ASCC3: variants seen among roughly 807,000 people sequenced by gnomAD.
The protein encoded by ASCC3 is activating signal cointegrator 1 complex subunit 3.
A neutral mutation model predicts 256.3 loss-of-function variants in ASCC3; 158 were observed. The observed-to-expected ratio is 0.62, with a 90% CI of 0.54 to 0.70. The LOEUF (loss-of-function observed/expected upper bound fraction) is 0.70. Ranked by LOEUF, ASCC3 falls within the 30% of genes least tolerant of loss-of-function variation. ASCC3 has a pLI of 0.00. For missense variants in ASCC3, 2,259 were observed against 2,626.0 expected (o/e 0.86, Z 3.05); for synonymous variants, 948 against 883.4 (o/e 1.07, Z -1.30).
At chr6:100,647,140 G>T in intron 21 of ASCC3, 86 bp downstream of exon 21, 1 of 1,215,870 alleles carries the variant, frequency 8.2e-7, no homozygotes, top group Non-Finnish European at 1.2e-6. Flanking sequence ...GATTAATGTG[G>T]AAATTCACAA....
At chr6:100,579,629 T>C (rs1179328116) in intron 36 of ASCC3, among the ~76,000 whole-genome samples, 2 of 151,554 alleles carry the variant, frequency 1.3e-5, no homozygotes, top group African/African-American at 2.4e-5. Flanking sequence ...GGTTAACAAT[T>C]AGATGGTTGT....
intron 36 of ASCC3, among the ~76,000 whole-genome samples, chr6:100,572,286 C>A (rs376405074): frequency 6.6e-6 from 1 of 152,154 alleles, no homozygotes. Context: ...GAGGGCACAA[C>A]TAGAAGATGG....
At chr6:100,859,658 A>T (rs965923850) in intron 3 of ASCC3, among the ~76,000 whole-genome samples, 1 of 151,998 alleles carries the variant, frequency 6.6e-6, no homozygotes, top group Non-Finnish European at 1.5e-5. Context: ...CAATGGATTT[A>T]CAAATGCCTT....
chr6:100,721,563 T>C (rs1779333035), intron 11 of ASCC3, among the ~76,000 whole-genome samples: 1 of 151,748 alleles, frequency 6.6e-6, no homozygotes, highest in Admixed American at 6.6e-5. Flanking sequence ...ACTTCATCTG[T>C]GTCTGACAAC....
chr6:100,782,536 A>T (rs1383333446), intron 8 of ASCC3, among the ~76,000 whole-genome samples: 2 of 152,160 alleles, frequency 1.3e-5, no homozygotes, highest in Admixed American at 1.3e-4. Flanking sequence ...CCTATCTAGC[A>T]ATTTCACTTT....
intron 4 of ASCC3, among the ~76,000 whole-genome samples, chr6:100,832,664 A>G (rs1013872547): frequency 6.6e-6 from 1 of 152,138 alleles, no homozygotes; most frequent in Admixed American, 6.5e-5. Flanking sequence ...CTACCCATTC[A>G]TGTTTAAAAC....
intron 36 of ASCC3, among the ~76,000 whole-genome samples, chr6:100,581,252 T>C (rs188753222): frequency 1.3e-5 from 2 of 152,210 alleles, no homozygotes; most frequent in Non-Finnish European, 2.9e-5. Flanking sequence ...TGTTGTTTCC[T>C]GACTTTTTAA....
At chr6:100,722,376 A>G (rs1779383043) in intron 11 of ASCC3, among the ~76,000 whole-genome samples, 1 of 151,536 alleles carries the variant, frequency 6.6e-6, no homozygotes, top group Admixed American at 6.6e-5. Context: ...ATGAAGAATG[A>G]CATCCAAACT....
At chr6:100,771,283 A>G (rs1781906393) in intron 8 of ASCC3, among the ~76,000 whole-genome samples, 1 of 152,196 alleles carries the variant, frequency 6.6e-6, no homozygotes, top group African/African-American at 2.4e-5. Flanking sequence ...TTAACTCAAA[A>G]TAAATCACTA....
chr6:100,608,321 ATATACCTTATATATG>A lies in ASCC3; in HGVS notation c.4786-1248_4786-1234del, dbSNP rs1474543175. 3.3e-4 allele frequency among the ~76,000 whole-genome samples: 35 copies of A among 105,232 alleles called. 1 individual carries two copies. Among genetic ancestry groups the A allele is most frequent in the Non-Finnish European group, 5.5e-4 (32 of 57,808 alleles). The allele number at this position is 105,232 out of a possible 152,430, so 69.0% of individuals were successfully genotyped here. A position where few individuals can be genotyped will look rare whatever the true frequency, so the allele number is the denominator to read the frequency against. ...TACCTTATATATGTATACCTTATAT[ATATACCTTATATATG>A]TATACCTTATATATATACCTTATAT... On this transcript the variant is annotated intron_variant, in intron 30 of 41. Coordinates refer to ENST00000369162, the MANE Select transcript of ASCC3 (RefSeq NM_006828.4).
chr6:100,571,692 A>C (rs1770601434), intron 36 of ASCC3, among the ~76,000 whole-genome samples: 1 of 152,250 alleles, frequency 6.6e-6, no homozygotes, highest in Non-Finnish European at 1.5e-5. Context: ...ACCATTGTCC[A>C]AGGTCTAGAA....
At chr6:100,794,989 T>G (rs2114319405) in intron 8 of ASCC3, among the ~76,000 whole-genome samples, 1 of 152,192 alleles carries the variant, frequency 6.6e-6, no homozygotes. Flanking sequence ...CACTCTCCTT[T>G]CCTTTGGGAA....
At position 100,602,085 on chromosome 6, in the gene ASCC3, A is replaced by G. The variant is rs1379067629; in HGVS notation, c.5178-150T>C. On this transcript the variant is annotated intron_variant, in intron 33 of 41. Transcript: ENST00000369162. ...TTAAATATTTAGTATATAATTTTGT[A>G]TACTGTGTAAATAATTCATTCCAAA... 2.7e-5 allele frequency: 20 copies of G among 746,196 alleles called. No individual in the cohort carries two copies. In the East Asian group the frequency reaches 5.9e-4, roughly 22 times the overall value. The allele number at this position is 746,196 out of a possible 1,614,324, so 46.2% of individuals were successfully genotyped here.
At chr6:100,597,384 A>C (rs903575928) in intron 34 of ASCC3, among the ~76,000 whole-genome samples, 1 of 152,178 alleles carries the variant, frequency 6.6e-6, no homozygotes, top group Admixed American at 6.5e-5. Context: ...AGAAATAAAA[A>C]AATTAATTTT....
chr6:100,841,492 A>C (rs1772141850), intron 4 of ASCC3, among the ~76,000 whole-genome samples: 1 of 152,200 alleles, frequency 6.6e-6, no homozygotes, highest in Admixed American at 6.5e-5. Context: ...TCATGACAAA[A>C]TAATCTTAAT....
At chr6:100,674,498 T>A (rs1269007205) in intron 14 of ASCC3, among the ~76,000 whole-genome samples, 1 of 152,078 alleles carries the variant, frequency 6.6e-6, no homozygotes. Flanking sequence ...TTCCAAAGCA[T>A]TAAGTTTAAT....
At position 100,550,264 on chromosome 6, in the gene ASCC3, AG is replaced by A. The variant is rs554937193; in HGVS notation, c.5551-9878del. 3.9e-5 allele frequency among the ~76,000 whole-genome samples: 6 copies of A among 152,008 alleles called. No homozygotes were observed. The East Asian group carries it at 1.2e-3, about 29-fold the overall frequency. On this transcript the variant is annotated intron_variant, in intron 36 of 41. Coordinates refer to ENST00000369162, the MANE Select transcript of ASCC3 (RefSeq NM_006828.4). ...CAGAAGAAAATTCAATAGCTATTTT[AG>A]TACTGCAACCTGCATTGGGTCTACA...
At chr6:100,550,231 T>A (rs1769220644) in intron 36 of ASCC3, among the ~76,000 whole-genome samples, 1 of 151,918 alleles carries the variant, frequency 6.6e-6, no homozygotes, top group African/African-American at 2.4e-5. Flanking sequence ...TTCCTTCTGA[T>A]CCTTTATCAG....
At chr6:100,703,725 G>A (rs903225216) in intron 13 of ASCC3, among the ~76,000 whole-genome samples, 2 of 151,578 alleles carry the variant, frequency 1.3e-5, no homozygotes, top group Non-Finnish European at 3.0e-5. Context: ...CAACTATCTG[G>A]CATTTGGCCC....
Sources: gnomAD v4.1 joint callset for allele counts (sites outside exome capture counted in the v4.1 genomes callset) on GRCh38, gnomAD v4.1.1 for gene constraint, MANE v1.5 for transcripts, NCBI Gene and HGNC (gene_info 2026-07-23, HGNC 2026-07-21) for gene names.